The following PTPN14 variants were observed in gnomAD, a reference collection of about 807,000 sequenced individuals.
PTPN14 encodes the protein protein tyrosine phosphatase non-receptor type 14.
A neutral mutation model predicts 126.8 loss-of-function variants in PTPN14; 53 were observed. The observed-to-expected ratio is 0.42, with a 90% CI of 0.34 to 0.53. The LOEUF (loss-of-function observed/expected upper bound fraction) is 0.53, where lower values mean the gene tolerates loss of function less well. Among genes scored for constraint, PTPN14 ranks in the 20% least tolerant of loss-of-function variants. The pLI is 0.08. For missense variants in PTPN14, 1,257 were observed against 1,552.9 expected, an observed-to-expected ratio of 0.81 and a Z score of 3.20; for synonymous variants, 630 against 599.3, an observed-to-expected ratio of 1.05 and a Z score of -0.75.
chr1:214,408,425 A>G (rs917066412), intron 5 of PTPN14, among the ~76,000 whole-genome samples: 2 of 152,154 alleles, frequency 1.3e-5, no homozygotes, highest in African/African-American at 2.4e-5. Context: ...CTACCCACCA[A>G]CCAACCAACA....
At chr1:214,367,501 G>A (rs1658110648) in intron 17 of PTPN14, among the ~76,000 whole-genome samples, 1 of 152,170 alleles carries the variant, frequency 6.6e-6, no homozygotes, top group Admixed American at 6.5e-5. Flanking sequence ...CTCTCCCTCT[G>A]TCATTCCCCT....
At chr1:214,534,574 A>G (rs12125850) in intron 1 of PTPN14, among the ~76,000 whole-genome samples, 34,453 of 151,738 alleles carry the variant, frequency 0.23, 5,039 homozygotes, top group African/African-American at 0.41. Flanking sequence ...CTAGCCGGGC[A>G]TGGTGGTGGG....
At chr1:214,500,518 C>T (rs1654657694) in intron 1 of PTPN14, among the ~76,000 whole-genome samples, 1 of 152,164 alleles carries the variant, frequency 6.6e-6, no homozygotes, top group Non-Finnish European at 1.5e-5. Flanking sequence ...GAACTGACAG[C>T]TCTTTTATGG....
chr1:214,462,538 T>C (rs1393147883), intron 2 of PTPN14, among the ~76,000 whole-genome samples: 2 of 152,214 alleles, frequency 1.3e-5, no homozygotes, highest in Non-Finnish European at 2.9e-5. Flanking sequence ...ATACATGTCC[T>C]TCAAGTTTTG....
chr1:214,520,065 A>AATATATATATATATATATATATATAT (rs1553274995), intron 1 of PTPN14, among the ~76,000 whole-genome samples: 6 of 71,106 alleles, frequency 8.4e-5, no homozygotes, highest in South Asian at 6.5e-4. Context: ...AAAAAAAAAA[A>AATATATATATATATATATATATATAT]ATATATATAT....
At chr1:214,424,523 ACTTT>A (rs1659617018) in intron 3 of PTPN14, among the ~76,000 whole-genome samples, 1 of 147,400 alleles carries the variant, frequency 6.8e-6, no homozygotes, top group Non-Finnish European at 1.5e-5. Context: ...GGGACACCCC[ACTTT>A]CTTTCTTTTT....
At chr1:214,484,025 G>T (rs1381042002) in intron 1 of PTPN14, among the ~76,000 whole-genome samples, 1 of 152,180 alleles carries the variant, frequency 6.6e-6, no homozygotes, top group Non-Finnish European at 1.5e-5. Flanking sequence ...TAGGACAAAA[G>T]GAAAAAGAAA....
At chr1:214,523,968 G>T (rs370079714) in intron 1 of PTPN14, among the ~76,000 whole-genome samples, 4 of 150,788 alleles carry the variant, frequency 2.7e-5, no homozygotes, top group East Asian at 3.9e-4. Context: ...TCCTGCCTCA[G>T]CCTCCCAAGT....
chr1:214,542,099 C>T (rs757828357), intron 1 of PTPN14, among the ~76,000 whole-genome samples: 4 of 152,082 alleles, frequency 2.6e-5, no homozygotes, highest in Non-Finnish European at 5.9e-5. Context: ...TATACTTTTA[C>T]TACACACACA....
intron 1 of PTPN14, among the ~76,000 whole-genome samples, chr1:214,472,181 A>G (rs1463873166): frequency 2.0e-5 from 3 of 152,116 alleles, no homozygotes; most frequent in Non-Finnish European, 4.4e-5. Context: ...TTGAATTGTA[A>G]TCCCCGATAT....
intron 3 of PTPN14, among the ~76,000 whole-genome samples, chr1:214,440,655 C>G (rs1222747447): frequency 6.6e-6 from 1 of 152,194 alleles, no homozygotes; most frequent in African/African-American, 2.4e-5. Context: ...CAGCTGGACA[C>G]TGAATGACAT....
rs1659384068 is a variant in PTPN14 at position 214,414,614 on chromosome 1, A to G, written c.442+15T>C. 7 of 1,602,704 alleles carry G rather than the reference A, an allele frequency of 4.4e-6. No individual in the cohort carries two copies. Among genetic ancestry groups the G allele is most frequent in the South Asian group, 1.1e-5 (1 of 90,826 alleles). On this transcript the variant is annotated intron_variant, in intron 4 of 18. Coordinates refer to ENST00000366956, the MANE Select transcript of PTPN14 (RefSeq NM_005401.5). ...GAAAATGGAATTTCACATGCTGCTCATAACTATGTCTTACCTTGCACAGCT... is the reference window on the plus strand; with the variant it reads ...GAAAATGGAATTTCACATGCTGCTCGTAACTATGTCTTACCTTGCACAGCT...
rs570826161 is a variant in PTPN14 at position 214,462,427 on chromosome 1, A to G, written c.174+2203T>C. ...TGGTGATTCAGAGGGATGCCTTCTC[A>G]GCCCCCAAAATGTTGGCTGCTCTTT... On this transcript the variant is annotated intron_variant, in intron 2 of 18. Coordinates refer to ENST00000366956, the MANE Select transcript of PTPN14 (RefSeq NM_005401.5). Among the ~76,000 whole-genome samples the G allele has an allele frequency of 8.9e-4, 135 of 152,328 alleles. 1 individual carries two copies. Among genetic ancestry groups the G allele is most frequent in the African/African-American group, 3.1e-3 (130 of 41,578 alleles).
intron 1 of PTPN14, among the ~76,000 whole-genome samples, chr1:214,488,033 T>G (rs1385852827): frequency 6.6e-6 from 1 of 152,172 alleles, no homozygotes; most frequent in African/African-American, 2.4e-5. Flanking sequence ...ACTGTAGCCA[T>G]TCAGCCCAAA....
intron 3 of PTPN14, among the ~76,000 whole-genome samples, chr1:214,432,007 CT>C (rs1225508552): frequency 3.9e-5 from 6 of 152,254 alleles, no homozygotes; most frequent in Admixed American, 3.9e-4. Context: ...ACAGTGAGAT[CT>C]TGTATCTACA....
intron 13 of PTPN14, among the ~76,000 whole-genome samples, chr1:214,380,806 G>T (rs1658455065): frequency 6.6e-6 from 1 of 152,146 alleles, no homozygotes; most frequent in African/African-American, 2.4e-5. Flanking sequence ...AGGCTATGGG[G>T]TGAGTTTTTG....
chr1:214,482,016 A>T (rs1661000638), intron 1 of PTPN14, among the ~76,000 whole-genome samples: 1 of 151,480 alleles, frequency 6.6e-6, no homozygotes, highest in African/African-American at 2.4e-5. Context: ...AAGAATGAAG[A>T]CTTCTTGCTA....
chr1:214,466,152 G>A (rs1278684761), intron 1 of PTPN14, among the ~76,000 whole-genome samples: 1 of 151,040 alleles, frequency 6.6e-6, no homozygotes, highest in Admixed American at 6.6e-5. Context: ...AATAGAGCCG[G>A]GGTTTCACCA....
intron 1 of PTPN14, among the ~76,000 whole-genome samples, chr1:214,518,894 G>A (rs1426253152): frequency 3.3e-5 from 5 of 152,200 alleles, no homozygotes; most frequent in Admixed American, 6.5e-5. Context: ...TATCTGCCTT[G>A]TGTTCTGTTT....
Sources: allele counts gnomAD v4.1 joint callset (sites outside exome capture counted in the v4.1 genomes callset), GRCh38; gene constraint gnomAD v4.1.1; transcripts MANE v1.5; gene names NCBI Gene and HGNC (gene_info 2026-07-23, HGNC 2026-07-21).